Variants in RECK observed in about 807,000 individuals in gnomAD.
RECK encodes reversion-inducing cysteine-rich protein with Kazal motifs.
Under a neutral mutation model 115.1 loss-of-function variants are expected in RECK, and 69 were observed. That is an observed-to-expected ratio of 0.60 (90% CI 0.49 to 0.73). The LOEUF (loss-of-function observed/expected upper bound fraction) is 0.73. Ranked by LOEUF, RECK falls within the 30% of genes least tolerant of loss-of-function variation. The probability of loss-of-function intolerance (pLI) is 0.00; values close to 1 mark genes in which losing one functional copy is unlikely to be tolerated. For synonymous variants in RECK, 414 were observed against 419.7 expected (o/e 0.99, Z 0.17); for missense variants, 1,047 against 1,203.7 (o/e 0.87, Z 1.93).
At chr9:36,096,988 C>T (rs1490866224) in intron 10 of RECK, among the ~76,000 whole-genome samples, 7 of 151,810 alleles carry the variant, frequency 4.6e-5, no homozygotes, top group Admixed American at 3.9e-4. Flanking sequence ...TAAATAACTC[C>T]TACAACATCA....
chr9:36,069,091 A>G (rs1017965592), intron 6 of RECK, among the ~76,000 whole-genome samples: 2 of 152,222 alleles, frequency 1.3e-5, no homozygotes, highest in African/African-American at 4.8e-5. Context: ...ATAATAAAAA[A>G]AAGTCACAGA....
intron 1 of RECK, among the ~76,000 whole-genome samples, chr9:36,047,193 A>G (rs1423503209): frequency 6.6e-6 from 1 of 152,264 alleles, no homozygotes; most frequent in Non-Finnish European, 1.5e-5. Context: ...TCAAAAGAGC[A>G]CATCAGTGTC....
At position 36,118,951 on chromosome 9, in the gene RECK, A is replaced by G; in HGVS notation, c.2448A>G (p.Lys816=). The G allele has an allele frequency of 6.2e-7, 1 of 1,612,414 alleles. No individual in the cohort carries two copies. The highest frequency in any genetic ancestry group is 8.5e-7 in the Non-Finnish European group (1 of 1,179,876). Residue 816 remains lysine, a synonymous_variant, in exon 18 of 21, where the codon AAA becomes AAG. Transcript: ENST00000377966. Reference sequence around the variant, plus strand: ...CTTCGCTCTTGGCAGCTGGATGCAAACCCATCATCCCACCGGGTAGGCTGG... The same window carrying G: ...CTTCGCTCTTGGCAGCTGGATGCAAGCCCATCATCCCACCGGGTAGGCTGG... ...KCPSLLAAGC[K]PIIPPGACCP...
rs1220253186 is a variant in RECK, at chr9:36,088,502, GA to G, written c.905+542del. On this transcript the variant is annotated intron_variant, in intron 9 of 20. Coordinates refer to ENST00000377966, the MANE Select transcript of RECK (RefSeq NM_021111.3). ...GACAAAAACAAATGGAGATACCTAA[GA>G]TCATGGTAGAACACAGGTACAATAG... Among the ~76,000 whole-genome samples the G allele has an allele frequency of 2.0e-5, 3 of 152,196 alleles. No homozygotes were observed. In the East Asian group the frequency reaches 5.8e-4, roughly 29 times the overall value.
Position 36,121,570 on chromosome 9 carries a change from T to A in RECK, c.2576T>A (p.Leu859His). The A allele has an allele frequency of 6.2e-7, 1 of 1,614,172 alleles. No individual in the cohort carries two copies. Among genetic ancestry groups the A allele is most frequent in the East Asian group, 2.2e-5 (1 of 44,890 alleles). ...AAGCCAATAACAGTTCTGGAAATAC[T>A]TCAGAAAATCCGCATGCACGTGTCT... ...NKKPITVLEI[L>H]QKIRMHVSVP... Residue 859 changes from leucine to histidine, a missense_variant, in exon 20 of 21, where the codon CTT (leucine) becomes CAT (histidine). Transcript: ENST00000377966.
intron 5 of RECK, among the ~76,000 whole-genome samples, chr9:36,064,413 G>A (rs1183458132): frequency 6.6e-6 from 1 of 152,144 alleles, no homozygotes; most frequent in East Asian, 1.9e-4. Flanking sequence ...TCCTCACTTT[G>A]TATGTTTTAG....
At chr9:36,055,756 A>G (rs1039048022) in intron 2 of RECK, among the ~76,000 whole-genome samples, 3 of 151,996 alleles carry the variant, frequency 2.0e-5, no homozygotes, top group Admixed American at 6.6e-5. Context: ...TCTCAGTTCT[A>G]TATTCTTTCC....
intron 6 of RECK, among the ~76,000 whole-genome samples, chr9:36,071,161 A>G (rs1361567831): frequency 1.3e-5 from 2 of 152,184 alleles, no homozygotes; most frequent in African/African-American, 4.8e-5. Context: ...CATGTTTTCC[A>G]GGGGGTGTGA....
chr9:36,044,987 C>G (rs1244673434), intron 1 of RECK, among the ~76,000 whole-genome samples: 4 of 152,134 alleles, frequency 2.6e-5, no homozygotes, highest in African/African-American at 9.7e-5. Flanking sequence ...ATTGGTACTA[C>G]AATTGACTTA....
chr9:36,050,375 C>T (rs978024541), intron 1 of RECK, among the ~76,000 whole-genome samples: 8 of 151,976 alleles, frequency 5.3e-5, no homozygotes, highest in Non-Finnish European at 1.2e-4. Flanking sequence ...CTTTTTCTTC[C>T]ATATTTCACT....
chr9:36,117,301 C>A (rs1336737512), intron 17 of RECK, 124 bp downstream of exon 17: 1 of 698,696 alleles, frequency 1.4e-6, no homozygotes, highest in African/African-American at 1.8e-5. Context: ...ATCTATAGCA[C>A]CCAGTCCTCC....
chr9:36,041,582 A>T (rs1308017277), intron 1 of RECK, among the ~76,000 whole-genome samples: 6 of 152,214 alleles, frequency 3.9e-5, no homozygotes, highest in African/African-American at 1.4e-4. Flanking sequence ...AGGAAATCAC[A>T]TGGAAAGCCA....
At chr9:36,105,400 A>C in intron 13 of RECK, 117 bp downstream of exon 13, 1 of 977,144 alleles carries the variant, frequency 1.0e-6, no homozygotes. Flanking sequence ...TTATCTTCGG[A>C]GTGAGATTAT....
chr9:36,060,193 A>G, intron 4 of RECK, 38 bp downstream of exon 4: 1 of 1,590,620 alleles, frequency 6.3e-7, no homozygotes, highest in Non-Finnish European at 8.6e-7. Flanking sequence ...ACTTAATTTT[A>G]AAAACTTACT....
Position 36,123,284 on chromosome 9 carries a change from A to T in RECK, c.*239A>T. On this transcript the variant is annotated 3_prime_UTR_variant, in exon 21 of 21. Coordinates refer to ENST00000377966, the MANE Select transcript of RECK (RefSeq NM_021111.3). ...AAAACAGAATGTCTCTTCCTGGTAG[A>T]CCACTGCCATATGATTTACATTTCC... The T allele has an allele frequency of 4.5e-6, 2 of 444,400 alleles. No individual in the cohort carries two copies. The highest frequency in any genetic ancestry group is 8.0e-6 in the Non-Finnish European group (2 of 250,754). The allele number at this position is 444,400 out of a possible 1,614,324, so 27.5% of individuals were successfully genotyped here.
At chr9:36,045,481 C>T (rs1336412791) in intron 1 of RECK, among the ~76,000 whole-genome samples, 1 of 151,862 alleles carries the variant, frequency 6.6e-6, no homozygotes, top group Non-Finnish European at 1.5e-5. Context: ...GTAATACACA[C>T]TCAATGCACG....
At chr9:36,054,080 A>T (rs145812142) in intron 2 of RECK, among the ~76,000 whole-genome samples, 19 of 152,250 alleles carry the variant, frequency 1.2e-4, no homozygotes, top group African/African-American at 4.3e-4. Flanking sequence ...GGAGAAGTGT[A>T]TCAGGGGTGT....
chr9:36,075,097 TGGAAACATGCAAGTGTAGTTCG>T (rs541188873), intron 6 of RECK, among the ~76,000 whole-genome samples: 8 of 152,338 alleles, frequency 5.3e-5, no homozygotes, highest in African/African-American at 1.9e-4. Flanking sequence ...AGAGAGAAAG[TGGAAACATGCAAGTGTAGTTCG>T]GGCAACTGCT....
At chr9:36,068,895 A>G (rs1822116976) in intron 6 of RECK, among the ~76,000 whole-genome samples, 1 of 152,240 alleles carries the variant, frequency 6.6e-6, no homozygotes, top group Admixed American at 6.5e-5. Flanking sequence ...TTTGCAGCCC[A>G]AATTTGTATC....
Sources: allele counts gnomAD v4.1 joint callset (sites outside exome capture counted in the v4.1 genomes callset), GRCh38; gene constraint gnomAD v4.1.1; transcripts MANE v1.5; gene names NCBI Gene and HGNC (gene_info 2026-07-23, HGNC 2026-07-21).